The following PCNX4 variants were observed in gnomAD, a reference collection of about 807,000 sequenced individuals.
The protein encoded by PCNX4 is pecanex-like protein 4.
In PCNX4, 103 loss-of-function variants were observed where a neutral mutation model predicts 107.2. That is an observed-to-expected ratio of 0.96 (90% CI 0.82 to 1.13). PCNX4 has a LOEUF of 1.13. PCNX4 is among the 50% of genes most tolerant of loss of function. PCNX4 has a pLI of 0.00. For synonymous variants in PCNX4, 541 were observed against 481.7 expected, an observed-to-expected ratio of 1.12 and a Z score of -1.61; for missense variants, 1,528 against 1,379.4, an observed-to-expected ratio of 1.11 and a Z score of -1.71.
At chr14:60,094,770 C>CG (rs1555392138) in intron 1 of PCNX4, among the ~76,000 whole-genome samples, 1 of 124,720 alleles carries the variant, frequency 8.0e-6, no homozygotes, top group Non-Finnish European at 1.7e-5. Context: ...AGCCCCCCCC[C>CG]ACCCCCATCT....
rs1205796385 is a variant in PCNX4, at chr14:60,115,548, G to A, written c.1357+87G>A. 2.1e-6 allele frequency: 3 copies of A among 1,443,616 alleles called. No homozygotes were observed. In the African/African-American group the frequency reaches 4.3e-5, roughly 21 times the overall value. 89.4% of individuals were successfully genotyped at this position (1,443,616 alleles called of 1,614,324 possible). A position where few individuals can be genotyped will look rare whatever the true frequency, so the allele number is the denominator to read the frequency against. On this transcript the variant is annotated intron_variant, in intron 4 of 10. Transcript: ENST00000406854. ...ATTACTCAATTCCCATATTTGTGTG[G>A]TATTATACCATATACAAGTGTTTGT... is the stretch of plus-strand genomic sequence containing the variant.
At chr14:60,110,859 T>C (rs1895727042) in intron 2 of PCNX4, 1 of 167,088 alleles carries the variant, frequency 6.0e-6, no homozygotes. Flanking sequence ...TATAGACTAA[T>C]TGTGTTCCCT....
Position 60,145,381 on chromosome 14 carries a change from CTT to C in PCNX4, c.*11162_*11163del, listed in dbSNP as rs1896372183. The C allele has an allele frequency of 6.4e-6, 1 of 156,408 alleles. No individual in the cohort carries two copies. Among genetic ancestry groups the C allele is most frequent in the South Asian group, 2.0e-4 (1 of 4,914 alleles). The allele number at this position is 156,408 out of a possible 1,614,324, so 9.7% of individuals were successfully genotyped here. On this transcript the variant is annotated 3_prime_UTR_variant, in exon 11 of 11. Transcript: ENST00000406854. This position sits in a 1 kb window ranked among gnomAD's most constrained non-coding sequence, Gnocchi z 4.0. ...GAATTGAGATATATGGAAGATAACT[CTT>C]TAAAATTATTTGTGGCCAGGCAGGC...
chr14:60,147,321 G>T lies in PCNX4; in HGVS notation c.*13100G>T, dbSNP rs1054389768. The T allele has an allele frequency of 6.6e-6, 1 of 152,080 alleles. No homozygotes were observed. Among genetic ancestry groups the T allele is most frequent in the Non-Finnish European group, 1.5e-5 (1 of 68,012 alleles). 9.4% of individuals were successfully genotyped at this position (152,080 alleles called of 1,614,324 possible). Reference sequence around the variant, plus strand: ...ACAGATTCTAAGGATCTAATATACCGCATGGTGACTACAGTTAATAATACT... The same window carrying T: ...ACAGATTCTAAGGATCTAATATACCTCATGGTGACTACAGTTAATAATACT... On this transcript the variant is annotated 3_prime_UTR_variant, in exon 11 of 11. Transcript: ENST00000406854.
In PCNX4 at chr14:60,107,759, T is replaced by A. The variant is rs779302979; in HGVS notation, c.121T>A (p.Tyr41Asn). 3 of 1,612,702 alleles carry A rather than the reference T, an allele frequency of 1.9e-6. No individual in the cohort carries two copies. The highest frequency in any genetic ancestry group is 2.5e-6 in the Non-Finnish European group (3 of 1,179,768). ...KLGYCAPPYI[Y>N]VNQIILFLMP... ...AGGCTATTGTGCCCCTCCTTACATA[T>A]ATGTTAATCAAATTATTCTTTTTCT... The change falls in exon 2 of 11, where the codon TAT (tyrosine) becomes AAT (asparagine). Residue 41 changes from tyrosine to asparagine, a missense_variant. Tyr to Asn is a moderately radical substitution (Grantham distance 143). Coordinates refer to ENST00000406854, the MANE Select transcript of PCNX4 (RefSeq NM_001330177.2).
intron 1 of PCNX4, among the ~76,000 whole-genome samples, chr14:60,097,092 T>G (rs1042942364): frequency 5.3e-4 from 80 of 152,354 alleles, no homozygotes; most frequent in African/African-American, 1.8e-3. Flanking sequence ...TAAAATAAGT[T>G]GTGCTTCCTT....
Position 60,138,909 on chromosome 14 carries a change from G to C in PCNX4, c.*4688G>C, listed in dbSNP as rs1053692463. 1 of 152,108 alleles carries C rather than the reference G, an allele frequency of 6.6e-6. No homozygotes were observed. The highest frequency in any genetic ancestry group is 2.4e-5 in the African/African-American group (1 of 41,516). The allele number at this position is 152,108 out of a possible 1,614,324, so 9.4% of individuals were successfully genotyped here. On this transcript the variant is annotated 3_prime_UTR_variant, in exon 11 of 11. Transcript: ENST00000406854. ...ACAAATTTGGTGCAGGAATTCTAAG[G>C]TCAGAATTATCAGAAAGAAGATTAA... is the stretch of plus-strand genomic sequence containing the variant.
Position 60,125,234 on chromosome 14 carries a change from A to C in PCNX4, c.3063A>C (p.Leu1021=). The C allele has an allele frequency of 1.3e-6, 2 of 1,569,380 alleles. No individual in the cohort carries two copies. Among genetic ancestry groups the C allele is most frequent in the Non-Finnish European group, 1.7e-6 (2 of 1,161,680 alleles). ...WLTEKPELFQ[L]ALKAFRYTLK... ...CAGAAAAGCCAGAACTGTTTCAACT[A>C]GCACTGAAAGCATTCAGGTAATCCA... Residue 1021 remains leucine, a synonymous_variant, in exon 9 of 11, where the codon CTA becomes CTC. Transcript: ENST00000406854.
In PCNX4 at chr14:60,115,387, CTG is replaced by C. The variant is rs757941678; in HGVS notation, c.1286_1287del (p.Val429AspfsTer5). 12 of 1,586,396 alleles carry C rather than the reference CTG, an allele frequency of 7.6e-6. No individual in the cohort carries two copies. The highest frequency in any genetic ancestry group is 5.8e-5 in the South Asian group (5 of 86,374). On this transcript the variant is annotated frameshift_variant, in exon 4 of 11. Coordinates refer to ENST00000406854, the MANE Select transcript of PCNX4 (RefSeq NM_001330177.2). LOFTEE classifies it high-confidence loss of function. Reference sequence around the variant, plus strand: ...CCCTTTTATCCGAAGGATGTGCAAACTGTGACTGTATTCTTTGAGAAGCAAAC... The same window carrying C: ...CCCTTTTATCCGAAGGATGTGCAAACTGACTGTATTCTTTGAGAAGCAAAC...
chr14:60,115,436 T>G lies in PCNX4; in HGVS notation c.1332T>G (p.Ile444Met). The G allele has an allele frequency of 6.5e-7, 1 of 1,534,104 alleles. No homozygotes were observed. The change falls in exon 4 of 11, where the codon ATT (isoleucine) becomes ATG (methionine). Residue 444 changes from isoleucine (I) to methionine (M), a missense_variant. By Grantham distance (10) the Ile-to-Met change is conservative (BLOSUM62 1). Transcript: ENST00000406854. ...EKQTRLMKIG[I>M]VRRILLTLVS... ...AAACTAGGCTCATGAAGATTGGTAT[T>G]GTCAGACGGATTTTGCTAACTTTAG...
chr14:60,124,172 T>G (rs1315677881), intron 8 of PCNX4, 46 bp from the exon 9 acceptor site: 2 of 1,405,340 alleles, frequency 1.4e-6, no homozygotes, highest in Non-Finnish European at 9.5e-7. Context: ...CTGTATATTA[T>G]GTAATAAATG....
chr14:60,128,908 A>ATTT (rs943651084), intron 10 of PCNX4, among the ~76,000 whole-genome samples: 8 of 151,472 alleles, frequency 5.3e-5, no homozygotes, highest in Middle Eastern at 3.2e-3. Flanking sequence ...GAGAAATAGC[A>ATTT]TTTTTTTTTA....
intron 1 of PCNX4, among the ~76,000 whole-genome samples, chr14:60,101,696 A>G (rs1376380583): frequency 1.6e-5 from 1 of 61,762 alleles, no homozygotes; most frequent in African/African-American, 3.2e-5. Context: ...TTCTCAAAAT[A>G]TAAAAAAAAT....
At position 60,125,049 on chromosome 14, in the gene PCNX4, G is replaced by C; in HGVS notation, c.2878G>C (p.Glu960Gln). Residue 960 changes from glutamate (E) to glutamine (Q), a missense_variant, in exon 9 of 11, where the codon GAA becomes CAA. Coordinates refer to ENST00000406854, the MANE Select transcript of PCNX4 (RefSeq NM_001330177.2). ...SEEKASNVLE[E>Q]IAKDKVLKDF... ...AGAGAAGGCCTCAAATGTACTGGAA[G>C]AAATTGCCAAGGACAAAGTTTTAAA... 1 of 1,613,686 alleles carries C rather than the reference G, an allele frequency of 6.2e-7. No homozygotes were observed. The highest frequency in any genetic ancestry group is 8.5e-7 in the Non-Finnish European group (1 of 1,179,728).
intron 2 of PCNX4, chr14:60,110,106 G>A (rs1895712938): frequency 1.8e-5 from 3 of 167,104 alleles, no homozygotes; most frequent in African/African-American, 4.8e-5. Context: ...CACCAAAAGT[G>A]TGGGGCTGGA....
At chr14:60,125,887 G>A in intron 10 of PCNX4, 64 bp downstream of exon 10, 1 of 1,038,726 alleles carries the variant, frequency 9.6e-7, no homozygotes, top group Non-Finnish European at 1.3e-6. Context: ...AAGTTATAAA[G>A]TATTTGAACT....
At chr14:60,119,981 C>T (rs1303999644) in intron 7 of PCNX4, among the ~76,000 whole-genome samples, 1 of 152,120 alleles carries the variant, frequency 6.6e-6, no homozygotes, top group East Asian at 1.9e-4. Flanking sequence ...TCCCGTGGCT[C>T]AGGGATTCCA....
intron 10 of PCNX4, among the ~76,000 whole-genome samples, chr14:60,126,927 C>T (rs1005980983): frequency 3.9e-5 from 6 of 152,182 alleles, no homozygotes; most frequent in African/African-American, 1.4e-4. Context: ...CCACCAAATG[C>T]TTATCTCCTA....
At chr14:60,112,122 A>G (rs541679285) in intron 2 of PCNX4, among the ~76,000 whole-genome samples, 4 of 152,336 alleles carry the variant, frequency 2.6e-5, no homozygotes, top group African/African-American at 9.6e-5. Flanking sequence ...CAGTTGTATA[A>G]TAATACTTTT....
Sources: gnomAD v4.1 joint callset for allele counts (sites outside exome capture counted in the v4.1 genomes callset) on GRCh38, gnomAD v4.1.1 for gene constraint, Gnocchi (gnomAD v3.1) non-coding constraint, MANE v1.5 for transcripts, NCBI Gene and HGNC (gene_info 2026-07-23, HGNC 2026-07-21) for gene names.